KCMF1: variants seen among roughly 807,000 people sequenced by gnomAD.
KCMF1 encodes the protein potassium channel modulatory factor 1.
In KCMF1, 3 loss-of-function variants were observed where a neutral mutation model predicts 41.1. The observed-to-expected ratio is 0.07, with a 90% CI of 0.03 to 0.19. KCMF1 has a LOEUF of 0.19. Ranked by LOEUF, KCMF1 falls within the 10% of genes least tolerant of loss-of-function variation. KCMF1 has a pLI of 1.00. For missense variants in KCMF1, 286 were observed against 488.9 expected (o/e 0.58, Z 3.91); for synonymous variants, 142 against 164.5 (o/e 0.86, Z 1.04).
chr2:84,991,363 T>G (rs1350780973), intron 1 of KCMF1, among the ~76,000 whole-genome samples: 1 of 152,252 alleles, frequency 6.6e-6, no homozygotes, highest in Admixed American at 6.5e-5. Context: ...TATAGGCCAT[T>G]GGGATGACCC....
intron 1 of KCMF1, among the ~76,000 whole-genome samples, chr2:85,009,106 C>T (rs1315524641): frequency 6.6e-6 from 1 of 152,056 alleles, no homozygotes; most frequent in African/African-American, 2.4e-5. Flanking sequence ...AATTGTAATC[C>T]TCATATGTCA....
At chr2:85,001,919 A>G (rs368251359) in intron 1 of KCMF1, among the ~76,000 whole-genome samples, 39 of 152,208 alleles carry the variant, frequency 2.6e-4, no homozygotes, top group African/African-American at 8.9e-4. Context: ...AAACCTGCAT[A>G]ATATGTTGCT....
Position 85,053,390 on chromosome 2 carries a change from C to T in KCMF1, c.1127C>T (p.Pro376Leu), listed in dbSNP as rs1380026831. The T allele has an allele frequency of 6.2e-7, 1 of 1,612,216 alleles. No homozygotes were observed. The highest frequency in any genetic ancestry group is 8.5e-7 in the Non-Finnish European group (1 of 1,179,112). ...AAAGAGAGTAATAAAGGAAATGAGC[C>T]TCCACCACCTCCTCTTTGATGACAT... ...NLKESNKGNE[P>L]PPPPL Residue 376 changes from proline to leucine, a missense_variant, in exon 7 of 7, where the codon CCT (proline) becomes CTT (leucine). Around this residue, in one of 2 missense-constraint regions of KCMF1, gnomAD observed 191 missense variants for 279.3 expected, o/e 0.68. Coordinates refer to ENST00000409785, the MANE Select transcript of KCMF1 (RefSeq NM_020122.5).
chr2:84,978,019 T>C (rs1228950620), intron 1 of KCMF1, among the ~76,000 whole-genome samples: 4 of 151,760 alleles, frequency 2.6e-5, no homozygotes, highest in Admixed American at 6.6e-5. Flanking sequence ...TTTTTTTTTT[T>C]CTTTCCTCGC....
intron 1 of KCMF1, among the ~76,000 whole-genome samples, chr2:85,009,445 T>A (rs1471206766): frequency 6.6e-6 from 1 of 152,218 alleles, no homozygotes; most frequent in Non-Finnish European, 1.5e-5. Flanking sequence ...GCCAAGAAAG[T>A]GGGACATTGC....
intron 1 of KCMF1, among the ~76,000 whole-genome samples, chr2:84,980,473 A>G (rs376414345): frequency 1.7e-4 from 26 of 152,328 alleles, no homozygotes; most frequent in African/African-American, 6.3e-4. Flanking sequence ...TTGCCTTGTT[A>G]GGCACCTTCC....
intron 1 of KCMF1, among the ~76,000 whole-genome samples, chr2:85,008,399 A>C (rs578147726): frequency 3.2e-3 from 160 of 50,578 alleles, no homozygotes; most frequent in African/African-American, 7.8e-3. Flanking sequence ...GATATATATT[A>C]TATATCATAT....
In KCMF1 at chr2:85,053,567, C is replaced by G. The variant is rs1675857477; in HGVS notation, c.*158C>G. ...GAAGAGAGAAAATATATATGATAAT[C>G]ATTTCCACTTAACTAATTTTTACTT... On this transcript the variant is annotated 3_prime_UTR_variant, in exon 7 of 7. Transcript: ENST00000409785. 1 of 809,364 alleles carries G rather than the reference C, an allele frequency of 1.2e-6. No homozygotes were observed. Among genetic ancestry groups the G allele is most frequent in the Admixed American group, 3.0e-5 (1 of 33,386 alleles). 50.1% of individuals were successfully genotyped at this position (809,364 alleles called of 1,614,324 possible).
chr2:85,007,632 G>T (rs1050261447), intron 1 of KCMF1, among the ~76,000 whole-genome samples: 3 of 152,188 alleles, frequency 2.0e-5, no homozygotes, highest in Non-Finnish European at 4.4e-5. Flanking sequence ...CACTTGGGCA[G>T]GACCAGCCAA....
chr2:85,020,905 C>T (rs1674916252), intron 1 of KCMF1, among the ~76,000 whole-genome samples: 1 of 151,974 alleles, frequency 6.6e-6, no homozygotes. Flanking sequence ...AGGGTTTGCT[C>T]TGTCTCCAGG....
intron 1 of KCMF1, among the ~76,000 whole-genome samples, chr2:84,989,637 G>C (rs540151326): frequency 3.3e-5 from 5 of 152,304 alleles, no homozygotes; most frequent in Admixed American, 6.5e-5. Flanking sequence ...GATCGATTAA[G>C]CATGAGGATT....
chr2:84,987,654 A>T (rs1028543794), intron 1 of KCMF1, among the ~76,000 whole-genome samples: 1 of 152,254 alleles, frequency 6.6e-6, no homozygotes, highest in African/African-American at 2.4e-5. Context: ...GGGAAATACT[A>T]CTCTGGGGTT....
At chr2:85,025,851 CTTTA>C (rs1301077005) in intron 1 of KCMF1, among the ~76,000 whole-genome samples, 2 of 152,022 alleles carry the variant, frequency 1.3e-5, no homozygotes, top group Non-Finnish European at 2.9e-5. Flanking sequence ...ACAATCAGTA[CTTTA>C]TTTAGGAGGT....
intron 1 of KCMF1, among the ~76,000 whole-genome samples, chr2:85,014,582 G>T (rs1553379973): frequency 6.6e-6 from 1 of 150,772 alleles, no homozygotes; most frequent in Non-Finnish European, 1.5e-5. Context: ...CCTAAACCAA[G>T]CTCTCTCTGC....
intron 1 of KCMF1, among the ~76,000 whole-genome samples, chr2:84,987,409 A>C (rs995608619): frequency 6.6e-6 from 1 of 152,244 alleles, no homozygotes; most frequent in Admixed American, 6.5e-5. Flanking sequence ...GATCTGAATT[A>C]GTCAATCGTC....
intron 1 of KCMF1, among the ~76,000 whole-genome samples, chr2:84,982,879 A>G (rs1040825633): frequency 2.0e-5 from 3 of 152,222 alleles, no homozygotes; most frequent in Non-Finnish European, 4.4e-5. Flanking sequence ...GTATGGCTAT[A>G]CATATGAATA....
intron 1 of KCMF1, among the ~76,000 whole-genome samples, chr2:85,009,629 C>G (rs1440559127): frequency 3.3e-5 from 5 of 152,058 alleles, no homozygotes; most frequent in Non-Finnish European, 7.4e-5. Context: ...AGTTTTCTTC[C>G]ATGTTCTGAT....
chr2:85,020,628 A>C (rs1674908842), intron 1 of KCMF1, among the ~76,000 whole-genome samples: 1 of 151,986 alleles, frequency 6.6e-6, no homozygotes, highest in Non-Finnish European at 1.5e-5. Context: ...GGGTTTCTCC[A>C]TGTTTCCCAG....
At chr2:84,981,221 A>T (rs1169417958) in intron 1 of KCMF1, among the ~76,000 whole-genome samples, 2 of 147,656 alleles carry the variant, frequency 1.4e-5, no homozygotes, top group Admixed American at 1.4e-4. Context: ...ACAGAGTCTC[A>T]CTCTGTTGCC....
Sources: allele counts gnomAD v4.1 joint callset (sites outside exome capture counted in the v4.1 genomes callset), GRCh38; gene constraint gnomAD v4.1.1; regional missense constraint gnomAD v4.1.1; transcripts MANE v1.5; gene names NCBI Gene and HGNC (gene_info 2026-07-23, HGNC 2026-07-21).